Variants in CDH13 observed in about 807,000 individuals in gnomAD.
CDH13 encodes cadherin 13.
Under a neutral mutation model 63.8 loss-of-function variants are expected in CDH13, and 24 were observed. The observed-to-expected ratio is 0.38, with a 90% CI of 0.27 to 0.53. The LOEUF is 0.53. CDH13 is among the 20% of genes least tolerant of loss of function. CDH13 has a pLI of 0.85. For missense variants in CDH13, 1,049 were observed against 903.1 expected, an observed-to-expected ratio of 1.16 and a Z score of -2.07; for synonymous variants, 503 against 355.3, an observed-to-expected ratio of 1.42 and a Z score of -4.67.
At chr16:82,966,389 C>T (rs996714418) in intron 2 of CDH13, among the ~76,000 whole-genome samples, 2 of 151,994 alleles carry the variant, frequency 1.3e-5, no homozygotes, top group African/African-American at 2.4e-5. Context: ...CCTCGTGATC[C>T]GCCCACCTCC....
Position 83,081,798 on chromosome 16 carries a change from C to G in CDH13, c.367-43587C>G, listed in dbSNP as rs148645668. Among the ~76,000 whole-genome samples, 18 of 151,868 alleles carry G rather than the reference C, an allele frequency of 1.2e-4. No individual in the cohort carries two copies. In the East Asian group the frequency reaches 3.5e-3, roughly 29 times the overall value. Reference sequence around the variant, plus strand: ...TCCACCCTCATGACCTCATCTAAACCTAATTACCTTTTTTTTTTTGAGACA... The same window carrying G: ...TCCACCCTCATGACCTCATCTAAACGTAATTACCTTTTTTTTTTTGAGACA... On this transcript the variant is annotated intron_variant, in intron 3 of 13. Coordinates refer to ENST00000567109, the MANE Select transcript of CDH13 (RefSeq NM_001257.5).
chr16:82,851,367 G>A (rs189333360), intron 1 of CDH13, among the ~76,000 whole-genome samples: 48 of 151,148 alleles, frequency 3.2e-4, no homozygotes, highest in African/African-American at 1.1e-3. Flanking sequence ...CCCTGGAGGC[G>A]GAGGGTGCAG....
At chr16:82,738,210 A>C (rs900083800) in intron 1 of CDH13, among the ~76,000 whole-genome samples, 29 of 152,218 alleles carry the variant, frequency 1.9e-4, no homozygotes, top group African/African-American at 6.3e-4. Context: ...TGTGGTGAAA[A>C]GTGAAATAGC....
chr16:82,742,868 A>G (rs2033995559), intron 1 of CDH13, among the ~76,000 whole-genome samples: 1 of 152,224 alleles, frequency 6.6e-6, no homozygotes, highest in Non-Finnish European at 1.5e-5. Flanking sequence ...AAATCCCTCC[A>G]TGAGTCCATT....
intron 3 of CDH13, among the ~76,000 whole-genome samples, chr16:83,123,257 T>A (rs970951914): frequency 6.7e-6 from 1 of 150,132 alleles, no homozygotes; most frequent in East Asian, 1.9e-4. Context: ...TAGATACAAA[T>A]ATATATATAT....
chr16:82,641,770 G>C (rs2150888698), intron 1 of CDH13, among the ~76,000 whole-genome samples: 1 of 152,234 alleles, frequency 6.6e-6, no homozygotes, highest in African/African-American at 2.4e-5. Flanking sequence ...ACTTTTCTAG[G>C]CACTGGGAAT....
intron 11 of CDH13, among the ~76,000 whole-genome samples, chr16:83,754,836 G>C (rs1034573969): frequency 4.6e-5 from 7 of 152,098 alleles, no homozygotes; most frequent in African/African-American, 1.7e-4. Context: ...TTTATCAGCA[G>C]CATGAAAATG....
At chr16:83,706,678 C>T (rs1907110366) in intron 10 of CDH13, among the ~76,000 whole-genome samples, 1 of 152,086 alleles carries the variant, frequency 6.6e-6, no homozygotes, top group Non-Finnish European at 1.5e-5. Context: ...GAGAAGAAAA[C>T]ACATATGCAG....
intron 5 of CDH13, among the ~76,000 whole-genome samples, chr16:83,254,816 C>A (rs889904762): frequency 6.6e-6 from 1 of 152,160 alleles, no homozygotes; most frequent in African/African-American, 2.4e-5. Context: ...ATAACTGATT[C>A]CTGTACCAAG....
intron 11 of CDH13, among the ~76,000 whole-genome samples, chr16:83,753,280 A>G (rs1437582412): frequency 6.6e-6 from 1 of 152,210 alleles, no homozygotes; most frequent in Non-Finnish European, 1.5e-5. Flanking sequence ...AAGGTGGCTT[A>G]CACCTGTAAT....
At chr16:83,093,652 C>T (rs1444688278) in intron 3 of CDH13, among the ~76,000 whole-genome samples, 1 of 152,064 alleles carries the variant, frequency 6.6e-6, no homozygotes, top group African/African-American at 2.4e-5. Context: ...TAATTTATTT[C>T]AAACAATATG....
At chr16:83,440,926 G>C (rs956887304) in intron 6 of CDH13, among the ~76,000 whole-genome samples, 2 of 152,104 alleles carry the variant, frequency 1.3e-5, no homozygotes, top group Non-Finnish European at 2.9e-5. Context: ...TACCTGGAGG[G>C]TAGACATTCT....
intron 2 of CDH13, among the ~76,000 whole-genome samples, chr16:82,989,730 T>C (rs2151401820): frequency 6.6e-6 from 1 of 152,342 alleles, no homozygotes; most frequent in Admixed American, 6.5e-5. Flanking sequence ...CTCTCGTAGC[T>C]TAACCCACCT....
At chr16:82,903,516 C>G (rs1404640117) in intron 2 of CDH13, among the ~76,000 whole-genome samples, 1 of 152,198 alleles carries the variant, frequency 6.6e-6, no homozygotes, top group Non-Finnish European at 1.5e-5. Context: ...CCTTCCTGGC[C>G]ACCCACCCTG....
intron 8 of CDH13, among the ~76,000 whole-genome samples, chr16:83,651,764 T>A (rs931789114): frequency 1.5e-5 from 2 of 131,568 alleles, no homozygotes; most frequent in Non-Finnish European, 1.7e-5. Flanking sequence ...CCTGGCTAAT[T>A]TTTGTATTTT....
chr16:82,663,227 C>T lies in CDH13; in HGVS notation c.45+36090C>T, dbSNP rs1015745857. 2.0e-4 allele frequency among the ~76,000 whole-genome samples: 30 copies of T among 152,254 alleles called. 1 individual carries two copies. The highest frequency in any genetic ancestry group is 1.8e-3 in the Admixed American group (28 of 15,296). On this transcript the variant is annotated intron_variant, in intron 1 of 13. Coordinates refer to ENST00000567109, the MANE Select transcript of CDH13 (RefSeq NM_001257.5). ...TTGAGAGGGAGTTTCGCTGTTGTTG[C>T]CCTGGCTGGAGTGCAATGGCGCGAT...
intron 7 of CDH13, among the ~76,000 whole-genome samples, chr16:83,499,387 C>A (rs1464695554): frequency 6.6e-6 from 1 of 152,138 alleles, no homozygotes; most frequent in African/African-American, 2.4e-5. Context: ...TTAACTTTTC[C>A]ACAGTGCAGT....
At chr16:83,561,296 AT>A (rs982928570) in intron 7 of CDH13, among the ~76,000 whole-genome samples, 2 of 151,670 alleles carry the variant, frequency 1.3e-5, no homozygotes, top group Admixed American at 1.3e-4. Context: ...AAAAAAAAAA[AT>A]TAGCCAGGTG....
Position 82,790,535 on chromosome 16 carries a change from A to G in CDH13, c.46-67827A>G, listed in dbSNP as rs16958660. Among the ~76,000 whole-genome samples the G allele has an allele frequency of 8.7e-3, 1,318 of 152,342 alleles. 18 individuals are homozygous for G. The highest frequency in any genetic ancestry group is 0.03 in the African/African-American group (1,258 of 41,570). On this transcript the variant is annotated intron_variant, in intron 1 of 13. Transcript: ENST00000567109. ...ATATTAATAGACATACAAAAAAATTATTTGGTCAAGTGAAAATAAAGCATA... is the reference window on the plus strand; with the variant it reads ...ATATTAATAGACATACAAAAAAATTGTTTGGTCAAGTGAAAATAAAGCATA...
Sources: gnomAD v4.1 joint callset for allele counts (sites outside exome capture counted in the v4.1 genomes callset) on GRCh38, gnomAD v4.1.1 for gene constraint, MANE v1.5 for transcripts, NCBI Gene and HGNC (gene_info 2026-07-23, HGNC 2026-07-21) for gene names.